AHCY: variants seen among roughly 807,000 people sequenced by gnomAD.
AHCY encodes the protein S-adenosyl-L-homocysteine hydrolase.
AHCY carries 24 observed loss-of-function variants against 45.4 expected under a neutral mutation model. That is an observed-to-expected ratio of 0.53 (90% confidence interval 0.38 to 0.74). The LOEUF is 0.74. Among genes scored for constraint, AHCY ranks in the 30% least tolerant of loss-of-function variants. The pLI, the probability that AHCY is intolerant of heterozygous loss-of-function variation, is 0.00. For missense variants in AHCY, 449 were observed against 594.1 expected (o/e 0.76, Z 2.54); for synonymous variants, 245 against 235.1 (o/e 1.04, Z -0.39).
chr20:34,286,070 A>C (rs943049695), intron 8 of AHCY: 6 of 244,232 alleles, frequency 2.5e-5, no homozygotes, highest in Admixed American at 1.5e-4. Context: ...GCACCACTGC[A>C]CTGCAGCCTG....
chr20:34,257,749 G>A, the AHCY span, among the ~76,000 whole-genome samples: 3 of 152,128 alleles, frequency 2.0e-5, no homozygotes, highest in Non-Finnish European at 4.4e-5. Flanking sequence ...GTCTCATTAG[G>A]ACCCAGTCCT....
intron 3 of AHCY, among the ~76,000 whole-genome samples, chr20:34,293,156 T>C (rs1267666618): frequency 6.6e-6 from 1 of 152,154 alleles, no homozygotes; most frequent in Admixed American, 6.6e-5. Context: ...GAGGCAGCCA[T>C]GACCATTATC....
chr20:34,295,251 G>C (rs946202810), intron 2 of AHCY, 144 bp downstream of exon 2: 26 of 1,005,642 alleles, frequency 2.6e-5, no homozygotes, highest in African/African-American at 3.2e-5. Context: ...GGGAAACGGA[G>C]GAAACCGAGT....
downstream of AHCY, among the ~76,000 whole-genome samples, chr20:34,275,411 C>A (rs1014084102): frequency 2.0e-4 from 31 of 152,064 alleles, no homozygotes; most frequent in African/African-American, 5.3e-4. Context: ...GGATTACAGG[C>A]ATGAGTCACC....
chr20:34,297,801 T>C (rs141107024), intron 1 of AHCY, among the ~76,000 whole-genome samples: 4 of 152,104 alleles, frequency 2.6e-5, no homozygotes, highest in African/African-American at 4.8e-5. Context: ...TAGTCACCTA[T>C]AGCAGTCATC....
the AHCY span, among the ~76,000 whole-genome samples, chr20:34,247,532 C>T: frequency 6.6e-5 from 10 of 151,242 alleles, no homozygotes; most frequent in Admixed American, 1.3e-4. Context: ...CTCCTGACCT[C>T]GTGATCCACC....
chr20:34,292,513 G>C lies in AHCY; in HGVS notation c.296-6C>G. 1 of 1,613,850 alleles carries C rather than the reference G, an allele frequency of 6.2e-7. No individual in the cohort carries two copies. The highest frequency in any genetic ancestry group is 8.5e-7 in the Non-Finnish European group (1 of 1,179,986). On this transcript the variant is annotated splice_region_variant and splice_polypyrimidine_tract_variant and intron_variant, in intron 3 of 9. Coordinates refer to ENST00000217426, the MANE Select transcript of AHCY (RefSeq NM_000687.4). ...TTCGCCCTTCCAGGCATACACTGGA[G>C]GGTGAGTGGCACATCAGGGCCTGGA... is the stretch of plus-strand genomic sequence containing the variant.
intron 1 of AHCY, among the ~76,000 whole-genome samples, chr20:34,310,901 G>A (rs531780990): frequency 3.9e-5 from 6 of 152,238 alleles, no homozygotes; most frequent in South Asian, 2.1e-4. Flanking sequence ...TGATTCGGGC[G>A]GGTCACCTGA....
chr20:34,269,400 CG>C, the AHCY span: 1 of 521,460 alleles, frequency 1.9e-6, no homozygotes, highest in South Asian at 3.3e-5. Context: ...CCCTTCGCCA[CG>C]GAGTCCCGCG....
intron 1 of AHCY, among the ~76,000 whole-genome samples, chr20:34,311,163 CATATA>C (rs1568822423): frequency 6.6e-6 from 1 of 152,116 alleles, no homozygotes; most frequent in East Asian, 1.9e-4. Context: ...AACAACAAAA[CATATA>C]ATGAAGGACA....
the AHCY span, among the ~76,000 whole-genome samples, chr20:34,250,613 C>T: frequency 9.2e-5 from 14 of 152,318 alleles, no homozygotes; most frequent in African/African-American, 3.1e-4. Context: ...GCCTGGTCAA[C>T]ATGGTGAAAC....
intron 2 of AHCY, among the ~76,000 whole-genome samples, chr20:34,294,700 G>A (rs1182054969): frequency 6.6e-6 from 1 of 152,170 alleles, no homozygotes; most frequent in Admixed American, 6.5e-5. Context: ...GTTTGAACGC[G>A]TTCTGCCTGA....
At chr20:34,246,553 C>T in the AHCY span, 2 of 896,666 alleles carry the variant, frequency 2.2e-6, no homozygotes, top group South Asian at 2.8e-5. Flanking sequence ...GCAACCTCTG[C>T]CTCCGGGCTC....
At chr20:34,266,012 G>C in the AHCY span, among the ~76,000 whole-genome samples, 2 of 151,850 alleles carry the variant, frequency 1.3e-5, no homozygotes. Context: ...GTGAATGGAT[G>C]GTATTGCCTA....
the AHCY span, among the ~76,000 whole-genome samples, chr20:34,267,150 G>T: frequency 6.6e-6 from 1 of 152,118 alleles, no homozygotes; most frequent in Non-Finnish European, 1.5e-5. Flanking sequence ...GAATAAGAAA[G>T]ATATATCTTA....
the AHCY span, among the ~76,000 whole-genome samples, chr20:34,270,629 C>T: frequency 1.3e-5 from 2 of 152,194 alleles, no homozygotes; most frequent in African/African-American, 4.8e-5. Flanking sequence ...CATGGAAGAC[C>T]AACCCATTCA....
Position 34,285,580 on chromosome 20 carries a change from G to C in AHCY, c.1027C>G (p.Arg343Gly). The C allele has an allele frequency of 1.2e-6, 2 of 1,614,098 alleles. No homozygotes were observed. Among genetic ancestry groups the C allele is most frequent in the Non-Finnish European group, 1.7e-6 (2 of 1,180,032 alleles). The change falls in exon 9 of 10, where the codon CGG (arginine) becomes GGG (glycine). Residue 343 changes from arginine to glycine, a missense_variant. Coordinates refer to ENST00000217426, the MANE Select transcript of AHCY (RefSeq NM_000687.4). ...ATGGCACAACCCAGGTTGACCAGCC[G>C]ACCCTCGGCCAGCAGGATGATGCGG... ...GRRIILLAEG[R>G]LVNLGCAMGH...
chr20:34,280,635 T>A lies in AHCY; in HGVS notation c.*399A>T, dbSNP rs1475498805. The A allele has an allele frequency of 3.2e-6, 1 of 309,838 alleles. No homozygotes were observed. Among genetic ancestry groups the A allele is most frequent in the Non-Finnish European group, 6.3e-6 (1 of 158,574 alleles). 19.2% of individuals were successfully genotyped at this position (309,838 alleles called of 1,614,324 possible). A position where few individuals can be genotyped will look rare whatever the true frequency, so the allele number is the denominator to read the frequency against. On this transcript the variant is annotated 3_prime_UTR_variant, in exon 10 of 10. Transcript: ENST00000217426. ...TAGCCCCTTCTCATCTGTCATGGGC[T>A]GAAGAACCACTGGACCTGTAAACCA...
chr20:34,311,265 C>T (rs2036945021), intron 1 of AHCY, among the ~76,000 whole-genome samples: 1 of 152,234 alleles, frequency 6.6e-6, no homozygotes, highest in African/African-American at 2.4e-5. Flanking sequence ...TTTGCCTATA[C>T]ATGCAGAAAA....
Sources: gnomAD v4.1 joint callset for allele counts (sites outside exome capture counted in the v4.1 genomes callset) on GRCh38, gnomAD v4.1.1 for gene constraint, MANE v1.5 for transcripts, NCBI Gene and HGNC (gene_info 2026-07-23, HGNC 2026-07-21) for gene names.